The following TMEM38A variants were observed in gnomAD, a reference collection of about 807,000 sequenced individuals.
The protein encoded by TMEM38A is transmembrane protein 38A.
A neutral mutation model predicts 28.6 loss-of-function variants in TMEM38A; 17 were observed. That is an observed-to-expected ratio of 0.60 (90% CI 0.41 to 0.89). The LOEUF (loss-of-function observed/expected upper bound fraction) is 0.89. Ranked by LOEUF, TMEM38A falls within the 40% of genes least tolerant of loss-of-function variation. The pLI, the probability that TMEM38A is intolerant of heterozygous loss-of-function variation, is 0.00. For synonymous variants in TMEM38A, 169 were observed against 166.1 expected (o/e 1.02, Z -0.14); for missense variants, 328 against 393.1 (o/e 0.83, Z 1.40).
intron 1 of TMEM38A, among the ~76,000 whole-genome samples, chr19:16,662,436 C>CTTTTTTTTTTTTTTTTTTTT (rs35226829): frequency 2.5e-4 from 19 of 75,832 alleles, no homozygotes; most frequent in African/African-American, 4.4e-4. Context: ...TAAATGCACG[C>CTTTTTTTTTTTTTTTTTTTT]TTTTTTTTTT....
In TMEM38A at chr19:16,689,043, C is replaced by T. The variant is rs1404911242; in HGVS notation, c.*672C>T. The stretch of plus-strand genomic sequence containing the variant: ...AAATTGCATATTGACTCCTGAAGAA[C>T]TTCAAGCCATGTTGAGATCCATTCA... On this transcript the variant is annotated 3_prime_UTR_variant, in exon 6 of 6. Coordinates refer to ENST00000187762, the MANE Select transcript of TMEM38A (RefSeq NM_024074.4). The T allele has an allele frequency of 6.6e-6, 1 of 151,592 alleles. No individual in the cohort carries two copies. The highest frequency in any genetic ancestry group is 1.5e-5 in the Non-Finnish European group (1 of 67,962). 9.4% of individuals were successfully genotyped at this position (151,592 alleles called of 1,614,324 possible).
chr19:16,680,683 G>C, intron 3 of TMEM38A, 102 bp downstream of exon 3: 1 of 1,223,044 alleles, frequency 8.2e-7, no homozygotes, highest in Non-Finnish European at 1.2e-6. Flanking sequence ...TCCAGGCACA[G>C]GGGCATAAAG....
chr19:16,672,445 C>CCTTTTTTTTTT (rs1491240988), intron 1 of TMEM38A, among the ~76,000 whole-genome samples: 3 of 100,440 alleles, frequency 3.0e-5, no homozygotes, highest in East Asian at 2.8e-4. Context: ...AAAAAAACCT[C>CCTTTTTTTTTT]ATTTTTTTTT....
chr19:16,688,052 C>T (rs993218166), intron 5 of TMEM38A, 92 bp from the exon 6 acceptor site: 8 of 913,048 alleles, frequency 8.8e-6, no homozygotes, highest in Non-Finnish European at 1.1e-5. Flanking sequence ...ACATTCTCTC[C>T]CCTCTTCTCC....
intron 1 of TMEM38A, among the ~76,000 whole-genome samples, chr19:16,664,508 T>C (rs2086695240): frequency 1.3e-5 from 2 of 152,092 alleles, no homozygotes; most frequent in Non-Finnish European, 2.9e-5. Context: ...TATCTGTAAA[T>C]TTTCTTCTCA....
In TMEM38A at chr19:16,661,869, T is replaced by A. The variant is rs760764576; in HGVS notation, c.124+528T>A. 6.6e-5 allele frequency among the ~76,000 whole-genome samples: 10 copies of A among 151,806 alleles called. 1 individual carries two copies. The highest frequency in any genetic ancestry group is 2.4e-4 in the African/African-American group (10 of 41,384). On this transcript the variant is annotated intron_variant, in intron 1 of 5. Coordinates refer to ENST00000187762, the MANE Select transcript of TMEM38A (RefSeq NM_024074.4). The surrounding 1 kb of genome is among the most constrained non-coding windows in gnomAD (Gnocchi z 6.5). ...CCCAGCACCCTCCACTCCCCTCCCT[T>A]CCCCCACGGTGCTGAATCTCCGAGC...
At position 16,673,310 on chromosome 19, in the gene TMEM38A, G is replaced by A. The variant is rs149611035; in HGVS notation, c.125-6674G>A. ...TCGGCCAGGCTGGTCTCAAACTCCT[G>A]ACCTCAAGTGATCCGCCTGCCTTGG... On this transcript the variant is annotated intron_variant, in intron 1 of 5. Transcript: ENST00000187762. Among the ~76,000 whole-genome samples the A allele has an allele frequency of 4.6e-3, 693 of 152,246 alleles. 22 individuals carry two copies. The East Asian group carries it at 0.051, about 11-fold the overall frequency.
intron 1 of TMEM38A, among the ~76,000 whole-genome samples, chr19:16,678,750 A>G (rs1162404560): frequency 8.0e-6 from 1 of 125,368 alleles, no homozygotes; most frequent in Non-Finnish European, 1.6e-5. Context: ...GGGTGATGGG[A>G]GTGAAACCCT....
Position 16,675,966 on chromosome 19 carries a change from A to G in TMEM38A, c.125-4018A>G, listed in dbSNP as rs142162790. 2.9e-4 allele frequency among the ~76,000 whole-genome samples: 44 copies of G among 152,150 alleles called. No individual in the cohort carries two copies. In the East Asian group the frequency reaches 7.1e-3, roughly 25 times the overall value. Reference sequence around the variant, plus strand: ...ATTTCAACATACGAATTTTGGAGAGACAGAAACATTCTGTCCACAACAGAC... The same window carrying G: ...ATTTCAACATACGAATTTTGGAGAGGCAGAAACATTCTGTCCACAACAGAC... On this transcript the variant is annotated intron_variant, in intron 1 of 5. Coordinates refer to ENST00000187762, the MANE Select transcript of TMEM38A (RefSeq NM_024074.4).
At chr19:16,685,444 A>G (rs1164040195) in intron 4 of TMEM38A, among the ~76,000 whole-genome samples, 1 of 152,188 alleles carries the variant, frequency 6.6e-6, no homozygotes, top group East Asian at 1.9e-4. Context: ...ACAGGAAAGA[A>G]AAGGTGAAAA....
In TMEM38A at chr19:16,689,507, G is replaced by A. The variant is rs1036230377; in HGVS notation, c.*1136G>A. 6.6e-6 allele frequency: 1 copy of A among 152,160 alleles called. No individual in the cohort carries two copies. Among genetic ancestry groups the A allele is most frequent in the Non-Finnish European group, 1.5e-5 (1 of 68,054 alleles). 9.4% of individuals were successfully genotyped at this position (152,160 alleles called of 1,614,324 possible). On this transcript the variant is annotated 3_prime_UTR_variant, in exon 6 of 6. Coordinates refer to ENST00000187762, the MANE Select transcript of TMEM38A (RefSeq NM_024074.4). The stretch of plus-strand genomic sequence containing the variant: ...GGCGTGAAAGGCTTGTGATCTGTTC[G>A]TCTCAGGCTCCCCCTAAACCAAAGA...
chr19:16,686,060 G>A (rs539239893), intron 4 of TMEM38A, among the ~76,000 whole-genome samples: 2 of 152,336 alleles, frequency 1.3e-5, no homozygotes, highest in South Asian at 2.1e-4. Flanking sequence ...CTACTTGGGA[G>A]GCTGAGGTGG....
chr19:16,664,052 G>A (rs1402863201), intron 1 of TMEM38A, among the ~76,000 whole-genome samples: 2 of 152,128 alleles, frequency 1.3e-5, no homozygotes, highest in African/African-American at 2.4e-5. Context: ...TTGCAGCCTC[G>A]GGACTCAGCC....
intron 1 of TMEM38A, among the ~76,000 whole-genome samples, chr19:16,665,360 G>A (rs2086698504): frequency 6.6e-6 from 1 of 151,938 alleles, no homozygotes; most frequent in Non-Finnish European, 1.5e-5. Flanking sequence ...GTGGTGGCAT[G>A]TGCCTGTAGT....
rs1470809389 is a variant in TMEM38A at position 16,661,712 on chromosome 19, A to G, written c.124+371A>G. Among the ~76,000 whole-genome samples, 1 of 151,976 alleles carries G rather than the reference A, an allele frequency of 6.6e-6. No homozygotes were observed. Among genetic ancestry groups the G allele is most frequent in the African/African-American group, 2.4e-5 (1 of 41,346 alleles). On this transcript the variant is annotated intron_variant, in intron 1 of 5. Coordinates refer to ENST00000187762, the MANE Select transcript of TMEM38A (RefSeq NM_024074.4). This position sits in a 1 kb window ranked among gnomAD's most constrained non-coding sequence, Gnocchi z 6.5. ...CGGTGCATCTGTTCTGGCCGCGCGC[A>G]GGTGTGACCTCCCTCCTTGACCTTG...
chr19:16,665,561 ACAC>A (rs1171862607), intron 1 of TMEM38A, among the ~76,000 whole-genome samples: 1 of 152,172 alleles, frequency 6.6e-6, no homozygotes, highest in Non-Finnish European at 1.5e-5. Context: ...CACTGAGTAA[ACAC>A]CACAATGGTT....
At chr19:16,679,208 G>A (rs1326157999) in intron 1 of TMEM38A, among the ~76,000 whole-genome samples, 1 of 150,298 alleles carries the variant, frequency 6.7e-6, no homozygotes, top group Non-Finnish European at 1.5e-5. Context: ...AGCTCATAGG[G>A]ATCTTGGGAT....
intron 1 of TMEM38A, among the ~76,000 whole-genome samples, chr19:16,664,886 A>C (rs1342118235): frequency 6.6e-6 from 1 of 151,646 alleles, no homozygotes; most frequent in African/African-American, 2.4e-5. Flanking sequence ...TAAAAAAAGA[A>C]TGTCAGCATA....
At chr19:16,684,875 CAA>C (rs35283603) in intron 4 of TMEM38A, among the ~76,000 whole-genome samples, 2 of 66,176 alleles carry the variant, frequency 3.0e-5, no homozygotes, top group Admixed American at 1.9e-4. Flanking sequence ...TCCATCTCTA[CAA>C]AAAAAAAAAA....
Sources: gnomAD v4.1 joint callset for allele counts (sites outside exome capture counted in the v4.1 genomes callset) on GRCh38, gnomAD v4.1.1 for gene constraint, Gnocchi (gnomAD v3.1) non-coding constraint, MANE v1.5 for transcripts, NCBI Gene and HGNC (gene_info 2026-07-23, HGNC 2026-07-21) for gene names.